The following R3HDM2 variants were observed in gnomAD, a reference collection of about 807,000 sequenced individuals.
The protein encoded by R3HDM2 is R3H domain-containing protein 2.
A neutral mutation model predicts 124.5 loss-of-function variants in R3HDM2; 38 were observed. That is an observed-to-expected ratio of 0.31 (90% CI 0.24 to 0.40). The LOEUF (loss-of-function observed/expected upper bound fraction) is 0.40. R3HDM2 is among the 10% of genes least tolerant of loss of function. R3HDM2 has a pLI of 1.00. For synonymous variants in R3HDM2, 391 were observed against 448.0 expected, an observed-to-expected ratio of 0.87 and a Z score of 1.61; for missense variants, 869 against 1,236.9, an observed-to-expected ratio of 0.70 and a Z score of 4.46.
intron 2 of R3HDM2, among the ~76,000 whole-genome samples, chr12:57,321,781 G>C (rs2056495413): frequency 2.0e-5 from 3 of 152,140 alleles, no homozygotes; most frequent in Non-Finnish European, 2.9e-5. Flanking sequence ...TTTATGTGAA[G>C]CTCAAGAACA....
intron 2 of R3HDM2, among the ~76,000 whole-genome samples, chr12:57,361,375 C>CAAA (rs71084747): frequency 1.2e-4 from 7 of 57,366 alleles, no homozygotes; most frequent in Admixed American, 4.5e-4. Flanking sequence ...AACTCTGTCT[C>CAAA]AAAAAAAAAA....
At chr12:57,312,734 G>A (rs1405106602) in intron 2 of R3HDM2, among the ~76,000 whole-genome samples, 1 of 151,916 alleles carries the variant, frequency 6.6e-6, no homozygotes, top group Non-Finnish European at 1.5e-5. Flanking sequence ...AGCCTGACGT[G>A]GTGGTAAGCC....
chr12:57,364,586 C>T (rs1054703214), intron 2 of R3HDM2, among the ~76,000 whole-genome samples: 31 of 152,240 alleles, frequency 2.0e-4, no homozygotes, highest in African/African-American at 7.2e-4. Flanking sequence ...CTCACTGTGT[C>T]CTCATATGAT....
intron 2 of R3HDM2, among the ~76,000 whole-genome samples, chr12:57,388,830 G>T (rs912142657): frequency 1.3e-5 from 2 of 151,810 alleles, no homozygotes; most frequent in African/African-American, 4.8e-5. Flanking sequence ...AATGTAAGAG[G>T]ACATCACTAG....
At chr12:57,363,914 C>T (rs2062269123) in intron 2 of R3HDM2, among the ~76,000 whole-genome samples, 1 of 151,194 alleles carries the variant, frequency 6.6e-6, no homozygotes, top group African/African-American at 2.4e-5. Context: ...TCTCCCAATT[C>T]CCAGCCCTAA....
chr12:57,404,852 T>C (rs1459133058), intron 1 of R3HDM2, among the ~76,000 whole-genome samples: 1 of 152,028 alleles, frequency 6.6e-6, no homozygotes, highest in Non-Finnish European at 1.5e-5. Context: ...ACCCCATCTG[T>C]ATTTGTAAAA....
intron 2 of R3HDM2, among the ~76,000 whole-genome samples, chr12:57,324,765 A>G (rs2057034332): frequency 6.6e-6 from 1 of 152,196 alleles, no homozygotes; most frequent in African/African-American, 2.4e-5. Context: ...ATGAGATATA[A>G]GAAGTAGTGT....
In R3HDM2 at chr12:57,414,831, C is replaced by CAA. The variant is rs71448523; in HGVS notation, c.-106+15887_-106+15888dup. ...CTGGGTGACAAGAGCAAAACTTTGTCAAAAAAAAAAAAATACAAAAGAAAA... is the reference window on the plus strand; with the variant it reads ...CTGGGTGACAAGAGCAAAACTTTGTCAAAAAAAAAAAAAAATACAAAAGAAAA... On this transcript the variant is annotated intron_variant, in intron 1 of 23. Transcript: ENST00000402412. 2.4e-3 allele frequency among the ~76,000 whole-genome samples: 324 copies of CAA among 133,210 alleles called. 9 individuals carry two copies. In the East Asian group the frequency reaches 0.054, roughly 22 times the overall value. The allele number at this position is 133,210 out of a possible 152,430, so 87.4% of individuals were successfully genotyped here.
chr12:57,256,477 T>C lies in R3HDM2; in HGVS notation c.2484A>G (p.Leu828=). Residue 828 remains leucine, a synonymous_variant, in exon 22 of 24, where the codon TTA becomes TTG. Coordinates refer to ENST00000402412, the MANE Select transcript of R3HDM2 (RefSeq NM_001394031.1). ...DGRYSLLGQP[L]QYNLSICPPL... is the part of the protein sequence containing the mutation. Reference sequence around the variant, plus strand: ...GAGGGCAGATGGACAGATTGTACTGTAATGGCTGGCCCAAAAGGGAGTAGC... The same window carrying C: ...GAGGGCAGATGGACAGATTGTACTGCAATGGCTGGCCCAAAAGGGAGTAGC... 1 of 1,596,816 alleles carries C rather than the reference T, an allele frequency of 6.3e-7. No homozygotes were observed. The highest frequency in any genetic ancestry group is 8.5e-7 in the Non-Finnish European group (1 of 1,171,330).
intron 1 of R3HDM2, among the ~76,000 whole-genome samples, chr12:57,425,982 C>G (rs889197697): frequency 2.6e-5 from 4 of 152,118 alleles, no homozygotes; most frequent in African/African-American, 9.7e-5. Flanking sequence ...AATCCCAGCA[C>G]TTCGGGAGGC....
intron 1 of R3HDM2, among the ~76,000 whole-genome samples, chr12:57,414,873 C>A (rs1235493519): frequency 1.3e-5 from 2 of 151,960 alleles, no homozygotes. Flanking sequence ...GAAGCAATTT[C>A]TCTTTATAGG....
chr12:57,268,397 C>G lies in R3HDM2; in HGVS notation c.1936G>C (p.Val646Leu). The G allele has an allele frequency of 6.2e-7, 1 of 1,614,048 alleles. No individual in the cohort carries two copies. The highest frequency in any genetic ancestry group is 1.1e-5 in the South Asian group (1 of 91,070). The change falls in exon 18 of 24, where the codon GTC (valine) becomes CTC (leucine). Residue 646 changes from valine (V) to leucine (L), a missense_variant. Val to Leu is a conservative substitution (Grantham distance 32, BLOSUM62 1). Around this residue, in one of 2 missense-constraint regions of R3HDM2, gnomAD observed 602 missense variants for 789.2 expected, o/e 0.76. Transcript: ENST00000402412. The stretch of plus-strand genomic sequence containing the variant: ...CCTTGCACAGACTGGCTCACAGGGA[C>G]CAGCATGGGTTGCTGGAAAGGCGGC... ...VQPPFQQPML[V>L]PVSQSVQGGL...
At chr12:57,360,006 A>ATATATAT (rs2061690333) in intron 2 of R3HDM2, among the ~76,000 whole-genome samples, 84 of 117,672 alleles carry the variant, frequency 7.1e-4, no homozygotes, top group Non-Finnish European at 4.5e-4. Flanking sequence ...TAAATAAATA[A>ATATATAT]ATATATATAT....
intron 1 of R3HDM2, among the ~76,000 whole-genome samples, chr12:57,415,029 G>C (rs1188051407): frequency 2.6e-5 from 4 of 152,022 alleles, no homozygotes; most frequent in African/African-American, 9.7e-5. Flanking sequence ...ATGTCAAAAG[G>C]ACAAAGCAGC....
chr12:57,313,158 C>A (rs1289922024), intron 2 of R3HDM2, among the ~76,000 whole-genome samples: 1 of 151,958 alleles, frequency 6.6e-6, no homozygotes, highest in Non-Finnish European at 1.5e-5. Flanking sequence ...TATGTATTAC[C>A]CACCCCCACA....
intron 1 of R3HDM2, among the ~76,000 whole-genome samples, chr12:57,396,445 A>C (rs1255861923): frequency 6.6e-6 from 1 of 150,616 alleles, no homozygotes; most frequent in African/African-American, 2.4e-5. Context: ...CGTCTCAAAA[A>C]AATAAATAAA....
chr12:57,358,005 G>T (rs1393564741), intron 2 of R3HDM2, among the ~76,000 whole-genome samples: 1 of 147,968 alleles, frequency 6.8e-6, no homozygotes, highest in African/African-American at 2.5e-5. Context: ...TTTAGACAGA[G>T]TTTCTCTCTG....
chr12:57,394,588 G>A (rs1054513892), intron 2 of R3HDM2, among the ~76,000 whole-genome samples: 47 of 152,084 alleles, frequency 3.1e-4, no homozygotes, highest in Admixed American at 9.8e-4. Context: ...CTTCAATAAA[G>A]GTCTTTTTTT....
chr12:57,384,438 C>T (rs73115999), intron 2 of R3HDM2, among the ~76,000 whole-genome samples: 3,686 of 151,932 alleles, frequency 0.024, 73 homozygotes, highest in Non-Finnish European at 0.033. Context: ...GATCAATCAT[C>T]TCTCTCAGTT....
Sources: gnomAD v4.1 joint callset for allele counts (sites outside exome capture counted in the v4.1 genomes callset) on GRCh38, gnomAD v4.1.1 for gene constraint, gnomAD v4.1.1 regional missense constraint, MANE v1.5 for transcripts, NCBI Gene and HGNC (gene_info 2026-07-23, HGNC 2026-07-21) for gene names.